PRKG1: variants seen among roughly 807,000 people sequenced by gnomAD.
PRKG1 encodes the protein cGMP-dependent protein kinase 1.
In PRKG1, 35 loss-of-function variants were observed where a neutral mutation model predicts 88.1. The observed-to-expected ratio is 0.40, with a 90% CI of 0.30 to 0.53. The LOEUF is 0.53. PRKG1 is among the 20% of genes least tolerant of loss of function. The pLI, the probability that PRKG1 is intolerant of heterozygous loss-of-function variation, is 0.59. For synonymous variants in PRKG1, 303 were observed against 292.5 expected (o/e 1.04, Z -0.37); for missense variants, 540 against 839.8 (o/e 0.64, Z 4.41).
At chr10:51,513,510 C>T (rs1280690128) in intron 3 of PRKG1, among the ~76,000 whole-genome samples, 2 of 112,424 alleles carry the variant, frequency 1.8e-5, no homozygotes, top group African/African-American at 6.0e-5. Context: ...TAGACATCTA[C>T]AGAACTCTCC....
At chr10:51,827,949 T>G (rs1187620022) in intron 4 of PRKG1, among the ~76,000 whole-genome samples, 1 of 152,140 alleles carries the variant, frequency 6.6e-6, no homozygotes, top group East Asian at 1.9e-4. Context: ...TTTATGATAA[T>G]TAGAACTTTT....
At chr10:51,889,365 C>A (rs28580281) in intron 4 of PRKG1, among the ~76,000 whole-genome samples, 2,283 of 152,072 alleles carry the variant, frequency 0.015, 67 homozygotes, top group African/African-American at 0.053. Flanking sequence ...CGGCTTCATC[C>A]ATGTCCCTAC....
chr10:51,888,195 G>A (rs1255651470), intron 4 of PRKG1, among the ~76,000 whole-genome samples: 6 of 152,086 alleles, frequency 3.9e-5, no homozygotes, highest in Admixed American at 6.6e-5. Flanking sequence ...TTTGTGCATC[G>A]ATTATATCTC....
chr10:51,681,621 T>C (rs937390585), intron 3 of PRKG1, among the ~76,000 whole-genome samples: 3 of 152,180 alleles, frequency 2.0e-5, no homozygotes, highest in African/African-American at 7.2e-5. Context: ...TGGTAAAATA[T>C]GCATAATTAT....
chr10:51,601,473 A>T (rs1325802978), intron 3 of PRKG1, among the ~76,000 whole-genome samples: 1 of 152,198 alleles, frequency 6.6e-6, no homozygotes, highest in Non-Finnish European at 1.5e-5. Context: ...AAGGAGGAGC[A>T]CATAAATGCC....
intron 14 of PRKG1, 142 bp downstream of exon 14, chr10:52,282,458 C>T (rs962054995): frequency 5.8e-6 from 5 of 863,512 alleles, no homozygotes; most frequent in Admixed American, 6.9e-5. Context: ...ATACAGATGA[C>T]CAGGAATTCA....
Position 50,991,398 on chromosome 10 carries a change from A to G in PRKG1, c.20A>G (p.Asp7Gly). 6.4e-7 allele frequency: 1 copy of G among 1,553,500 alleles called. No individual in the cohort carries two copies. Among genetic ancestry groups the G allele is most frequent in the Non-Finnish European group, 8.7e-7 (1 of 1,149,966 alleles). The stretch of plus-strand genomic sequence containing the variant: ...GAAAAAATGAGCGAGCTAGAGGAAG[A>G]CTTTGCCAAGATTCTCATGCTCAAG... The change falls in exon 1 of 18, where the codon GAC becomes GGC. Residue 7 changes from aspartate (D) to glycine (G), a missense_variant. Asp to Gly is a moderately conservative substitution (Grantham distance 94). Coordinates refer to the PRKG1 transcript ENST00000401604. The surrounding 1 kb of genome is among the most constrained non-coding windows in gnomAD (Gnocchi z 4.5).
intron 3 of PRKG1, among the ~76,000 whole-genome samples, chr10:51,659,972 CA>C (rs1455019217): frequency 6.6e-6 from 1 of 151,878 alleles, no homozygotes; most frequent in East Asian, 1.9e-4. Flanking sequence ...TCAGAATATA[CA>C]TTTTTAATAA....
chr10:51,416,615 G>A (rs1002044498), intron 2 of PRKG1, among the ~76,000 whole-genome samples: 7 of 152,228 alleles, frequency 4.6e-5, no homozygotes, highest in African/African-American at 1.4e-4. Flanking sequence ...AAGGAAACAT[G>A]ATAATGCTTG....
At chr10:51,783,290 A>AT (rs939610852) in intron 3 of PRKG1, among the ~76,000 whole-genome samples, 3 of 151,932 alleles carry the variant, frequency 2.0e-5, no homozygotes, top group Non-Finnish European at 2.9e-5. Flanking sequence ...ATATTTATTT[A>AT]TTTTTTGAGA....
chr10:51,162,718 A>T (rs1302703832), intron 2 of PRKG1, among the ~76,000 whole-genome samples: 1 of 151,932 alleles, frequency 6.6e-6, no homozygotes, highest in Non-Finnish European at 1.5e-5. Context: ...ATTTTATTTT[A>T]AATGTTATTT....
At chr10:51,238,389 T>C (rs1222606229) in intron 2 of PRKG1, among the ~76,000 whole-genome samples, 2 of 152,138 alleles carry the variant, frequency 1.3e-5, no homozygotes, top group East Asian at 3.8e-4. Context: ...GAGACCAGCC[T>C]GGTCAACATG....
chr10:51,301,365 G>GA (rs142387611), intron 2 of PRKG1, among the ~76,000 whole-genome samples: 16 of 151,434 alleles, frequency 1.1e-4, no homozygotes, highest in African/African-American at 2.2e-4. Flanking sequence ...GAATGAGAGG[G>GA]AAAAAAAATG....
At chr10:52,018,108 A>G (rs1336512261) in intron 5 of PRKG1, among the ~76,000 whole-genome samples, 3 of 152,160 alleles carry the variant, frequency 2.0e-5, no homozygotes, top group Non-Finnish European at 4.4e-5. Flanking sequence ...GACTTACAGC[A>G]TGCTTTCTAA....
rs545366137 is a variant in PRKG1, at chr10:51,990,427, C to A, written c.763-64057C>A. Reference sequence around the variant, plus strand: ...TCTGTAGATAGCTTTGAGGAGTATGCACATTTTAGTAATATCAGTTCTTCC... The same window carrying A: ...TCTGTAGATAGCTTTGAGGAGTATGAACATTTTAGTAATATCAGTTCTTCC... On this transcript the variant is annotated intron_variant, in intron 5 of 17. Transcript: ENST00000373980. Among the ~76,000 whole-genome samples, 3 of 152,006 alleles carry A rather than the reference C, an allele frequency of 2.0e-5. No homozygotes were observed. In the South Asian group the frequency reaches 6.2e-4, roughly 32 times the overall value.
At chr10:51,036,491 G>A (rs1843355870) in intron 1 of PRKG1, among the ~76,000 whole-genome samples, 1 of 152,060 alleles carries the variant, frequency 6.6e-6, no homozygotes, top group Admixed American at 6.6e-5. Flanking sequence ...GGGAATCGAG[G>A]AGTGATCTGA....
At chr10:51,015,773 GC>G (rs1225679336) in intron 1 of PRKG1, among the ~76,000 whole-genome samples, 1 of 152,166 alleles carries the variant, frequency 6.6e-6, no homozygotes, top group Non-Finnish European at 1.5e-5. Flanking sequence ...TATAATCCCA[GC>G]TATTCTGGAG....
intron 3 of PRKG1, among the ~76,000 whole-genome samples, chr10:51,499,831 T>C (rs1840970765): frequency 6.6e-6 from 1 of 152,178 alleles, no homozygotes; most frequent in African/African-American, 2.4e-5. Flanking sequence ...CTTGTTGATA[T>C]GTGCTTGTAG....
At chr10:52,104,306 T>G (rs1253660475) in intron 7 of PRKG1, among the ~76,000 whole-genome samples, 1 of 152,030 alleles carries the variant, frequency 6.6e-6, no homozygotes, top group East Asian at 1.9e-4. Context: ...ATTTTAATTG[T>G]TAGAGACTAT....
Sources: allele counts gnomAD v4.1 joint callset (sites outside exome capture counted in the v4.1 genomes callset), GRCh38; gene constraint gnomAD v4.1.1; non-coding constraint Gnocchi (gnomAD v3.1); transcripts MANE v1.5; gene names NCBI Gene and HGNC (gene_info 2026-07-23, HGNC 2026-07-21).